Variants in CTNND2 observed in about 807,000 individuals in gnomAD.
CTNND2 encodes the protein catenin delta 2, also known as catenin delta-2.
A neutral mutation model predicts 144.4 loss-of-function variants in CTNND2; 22 were observed. That is an observed-to-expected ratio of 0.15 (90% CI 0.11 to 0.22). CTNND2 has a LOEUF of 0.22. Ranked by LOEUF, CTNND2 falls within the 10% of genes least tolerant of loss-of-function variation. The pLI, the probability that CTNND2 is intolerant of heterozygous loss-of-function variation, is 1.00. For missense variants in CTNND2, 1,353 were observed against 1,618.8 expected (o/e 0.84, Z 2.82); for synonymous variants, 751 against 695.6 (o/e 1.08, Z -1.25).
chr5:11,338,722 G>A (rs1753958981), intron 9 of CTNND2, among the ~76,000 whole-genome samples: 1 of 152,100 alleles, frequency 6.6e-6, no homozygotes, highest in African/African-American at 2.4e-5. Flanking sequence ...ATTTTGGAAT[G>A]CAATTGTTTA....
chr5:11,784,500 T>C (rs1269266258), intron 1 of CTNND2, among the ~76,000 whole-genome samples: 1 of 152,176 alleles, frequency 6.6e-6, no homozygotes, highest in Non-Finnish European at 1.5e-5. Flanking sequence ...GTGGAAAAGA[T>C]CTGTAAATAC....
chr5:11,869,932 G>A (rs939195717), intron 1 of CTNND2, among the ~76,000 whole-genome samples: 3 of 152,112 alleles, frequency 2.0e-5, no homozygotes, highest in Non-Finnish European at 4.4e-5. Context: ...TGACACAACC[G>A]TAATTGGTAG....
At chr5:11,767,130 T>A (rs1369142233) in intron 1 of CTNND2, among the ~76,000 whole-genome samples, 1 of 152,202 alleles carries the variant, frequency 6.6e-6, no homozygotes, top group Non-Finnish European at 1.5e-5. Context: ...CACCTTTCCC[T>A]GGACCTAATG....
At chr5:11,764,835 C>A (rs1271682582) in intron 1 of CTNND2, among the ~76,000 whole-genome samples, 1 of 152,016 alleles carries the variant, frequency 6.6e-6, no homozygotes, top group Non-Finnish European at 1.5e-5. Flanking sequence ...GTTTCTACTA[C>A]AAAGTGTTAC....
At chr5:11,628,435 G>A (rs1055767538) in intron 2 of CTNND2, among the ~76,000 whole-genome samples, 1 of 152,266 alleles carries the variant, frequency 6.6e-6, no homozygotes, top group Admixed American at 6.5e-5. Flanking sequence ...TGTAAAAGAT[G>A]AGGCAATTGA....
chr5:11,510,701 C>A lies in CTNND2; in HGVS notation c.287+54243G>T, dbSNP rs27358. Among the ~76,000 whole-genome samples the A allele has an allele frequency of 8.4e-3, 1,271 of 152,108 alleles. 13 individuals carry two copies. The highest frequency in any genetic ancestry group is 0.024 in the African/African-American group (990 of 41,472). Reference sequence around the variant, plus strand: ...ATCCCAGCACTTTGGGAGGCCAAGGCGGGCGGATCACTTGAGGCCAGGTGT... The same window carrying A: ...ATCCCAGCACTTTGGGAGGCCAAGGAGGGCGGATCACTTGAGGCCAGGTGT... On this transcript the variant is annotated intron_variant, in intron 3 of 21. Coordinates refer to ENST00000304623, the MANE Select transcript of CTNND2 (RefSeq NM_001332.4).
At chr5:11,322,551 G>A (rs1166515880) in intron 9 of CTNND2, among the ~76,000 whole-genome samples, 1 of 152,062 alleles carries the variant, frequency 6.6e-6, no homozygotes, top group South Asian at 2.1e-4. Flanking sequence ...AAGCTACACT[G>A]GGTTGATTCA....
intron 9 of CTNND2, among the ~76,000 whole-genome samples, chr5:11,273,155 A>G (rs980664511): frequency 6.6e-6 from 1 of 152,128 alleles, no homozygotes; most frequent in Non-Finnish European, 1.5e-5. Flanking sequence ...AATATTTTCA[A>G]TTTTGCCTCT....
intron 1 of CTNND2, among the ~76,000 whole-genome samples, chr5:11,870,587 A>G (rs1474961923): frequency 6.6e-6 from 1 of 152,208 alleles, no homozygotes; most frequent in Non-Finnish European, 1.5e-5. Flanking sequence ...AGGAAGTGAA[A>G]AAATGCATCA....
At position 11,346,612 on chromosome 5, in the gene CTNND2, C is replaced by G; in HGVS notation, c.1388G>C (p.Gly463Ala). ...YRTSTAPSSP[G>A]VDSVPLQRTG... ...GCGCTGCAAGGGGACGGAGTCGACA[C>G]CAGGGGAAGATGGGGCTACGACAGG... The change falls in exon 9 of 22, where the codon GGT (glycine) becomes GCT (alanine). Residue 463 changes from glycine to alanine, a missense_variant. Coordinates refer to ENST00000304623, the MANE Select transcript of CTNND2 (RefSeq NM_001332.4). 1 of 1,521,442 alleles carries G rather than the reference C, an allele frequency of 6.6e-7. No individual in the cohort carries two copies. The highest frequency in any genetic ancestry group is 1.8e-4 in the Middle Eastern group (1 of 5,700). The allele number at this position is 1,521,442 out of a possible 1,614,324, so 94.2% of individuals were successfully genotyped here.
intron 5 of CTNND2, among the ~76,000 whole-genome samples, chr5:11,410,874 ATT>A (rs75920355): frequency 4.9e-5 from 7 of 143,856 alleles, no homozygotes; most frequent in Admixed American, 7.0e-5. Flanking sequence ...CTGATAGGTA[ATT>A]TTTTTTTTTT....
At chr5:11,894,571 C>A (rs747851362) in intron 1 of CTNND2, among the ~76,000 whole-genome samples, 24 of 152,172 alleles carry the variant, frequency 1.6e-4, no homozygotes, top group Non-Finnish European at 1.5e-5. Context: ...CCCACCATTA[C>A]TGTATTTTTG....
chr5:11,616,568 T>C (rs761997591), intron 2 of CTNND2, among the ~76,000 whole-genome samples: 1 of 151,214 alleles, frequency 6.6e-6, no homozygotes, highest in Admixed American at 6.6e-5. Context: ...CCTCCCTCCT[T>C]CCCTTCCCTT....
At chr5:11,871,898 A>G (rs547352289) in intron 1 of CTNND2, among the ~76,000 whole-genome samples, 1 of 152,164 alleles carries the variant, frequency 6.6e-6, no homozygotes, top group Admixed American at 6.5e-5. Context: ...TTCCTACAGA[A>G]AAATCTATTC....
intron 8 of CTNND2, among the ~76,000 whole-genome samples, chr5:11,362,527 C>T (rs61750685): frequency 0.013 from 1,980 of 152,186 alleles, 46 homozygotes; most frequent in African/African-American, 0.045. Context: ...TCTCCTCCTC[C>T]ACTTGTGGTC....
At position 11,646,273 on chromosome 5, in the gene CTNND2, C is replaced by T. The variant is rs113482515; in HGVS notation, c.175-81217G>A. On this transcript the variant is annotated intron_variant, in intron 2 of 21. Coordinates refer to ENST00000304623, the MANE Select transcript of CTNND2 (RefSeq NM_001332.4). ...GTCTTATGTGTATCATCCTAGCTTC[C>T]CTCACAAGTTTCTGAATAGCCATTA... is the stretch of plus-strand genomic sequence containing the variant. Among the ~76,000 whole-genome samples the T allele has an allele frequency of 4.1e-3, 625 of 152,188 alleles. 4 individuals are homozygous for T. The highest frequency in any genetic ancestry group is 0.014 in the African/African-American group (592 of 41,524).
intron 1 of CTNND2, among the ~76,000 whole-genome samples, chr5:11,734,379 G>A (rs1369517163): frequency 6.6e-6 from 1 of 152,174 alleles, no homozygotes; most frequent in Non-Finnish European, 1.5e-5. Context: ...CAGGTGGGAG[G>A]TAATTAAATC....
At chr5:11,802,581 C>T (rs1325620409) in intron 1 of CTNND2, among the ~76,000 whole-genome samples, 3 of 149,690 alleles carry the variant, frequency 2.0e-5, no homozygotes, top group East Asian at 2.0e-4. Context: ...AAAAAAAAAA[C>T]GAATCTTCTA....
chr5:11,012,332 C>G (rs1432175651), intron 18 of CTNND2, among the ~76,000 whole-genome samples: 1 of 152,152 alleles, frequency 6.6e-6, no homozygotes, highest in African/African-American at 2.4e-5. Flanking sequence ...GACTTGGATA[C>G]ATAAAGTGGA....
Sources: gnomAD v4.1 joint callset for allele counts (sites outside exome capture counted in the v4.1 genomes callset) on GRCh38, gnomAD v4.1.1 for gene constraint, MANE v1.5 for transcripts, NCBI Gene and HGNC (gene_info 2026-07-23, HGNC 2026-07-21) for gene names.